Variants in PLEKHA7 observed in about 807,000 individuals in gnomAD.
PLEKHA7 encodes pleckstrin homology domain containing A7.
In PLEKHA7, 104 loss-of-function variants were observed where a neutral mutation model predicts 170.0. The ratio of observed to expected loss-of-function variants is 0.61; its 90% CI spans 0.52 to 0.72. The LOEUF is 0.72. PLEKHA7 is among the 30% of genes least tolerant of loss of function. The pLI, the probability that PLEKHA7 is intolerant of heterozygous loss-of-function variation, is 0.00. For missense variants in PLEKHA7, 1,615 were observed against 1,671.7 expected (o/e 0.97, Z 0.59); for synonymous variants, 648 against 660.8 (o/e 0.98, Z 0.30).
chr11:16,964,012 TTC>T (rs1405866928), intron 3 of PLEKHA7, among the ~76,000 whole-genome samples: 1 of 152,178 alleles, frequency 6.6e-6, no homozygotes, highest in Non-Finnish European at 1.5e-5. Flanking sequence ...CTAATCTACT[TTC>T]TGTTTCTATG....
intron 3 of PLEKHA7, among the ~76,000 whole-genome samples, chr11:16,890,094 G>A (rs558455478): frequency 6.6e-6 from 1 of 152,212 alleles, no homozygotes; most frequent in South Asian, 2.1e-4. Flanking sequence ...TCCTAGACAA[G>A]CAAACACTAG....
intron 9 of PLEKHA7, among the ~76,000 whole-genome samples, chr11:16,827,147 C>G (rs1337889719): frequency 6.6e-6 from 1 of 152,216 alleles, no homozygotes; most frequent in Admixed American, 6.5e-5. Context: ...CAGGATCCCT[C>G]CCACTGGTGT....
chr11:16,805,133 T>C (rs1404226502), intron 13 of PLEKHA7, among the ~76,000 whole-genome samples: 1 of 152,202 alleles, frequency 6.6e-6, no homozygotes, highest in Admixed American at 6.5e-5. Context: ...GTAGAAATCA[T>C]TTTCAAATGG....
At chr11:16,870,948 A>G in intron 4 of PLEKHA7, 151 bp downstream of exon 4, 1 of 527,184 alleles carries the variant, frequency 1.9e-6, no homozygotes, top group South Asian at 2.1e-5. Flanking sequence ...TGAAAAATAA[A>G]ATTCTTCTCA....
chr11:16,836,063 C>T (rs867644120), intron 9 of PLEKHA7, among the ~76,000 whole-genome samples: 11 of 152,156 alleles, frequency 7.2e-5, no homozygotes, highest in Admixed American at 1.3e-4. Flanking sequence ...GGAAGATGGT[C>T]GGGGACATAA....
chr11:16,993,614 T>A (rs768596154), intron 3 of PLEKHA7, among the ~76,000 whole-genome samples: 2 of 152,178 alleles, frequency 1.3e-5, no homozygotes, highest in African/African-American at 4.8e-5. Context: ...TGACACTAGA[T>A]TGCAGACCAT....
At chr11:16,921,121 ATTT>A (rs1357619989) in intron 3 of PLEKHA7, among the ~76,000 whole-genome samples, 1 of 151,854 alleles carries the variant, frequency 6.6e-6, no homozygotes, top group Non-Finnish European at 1.5e-5. Flanking sequence ...TTCCTTTTAC[ATTT>A]TTTTTCTAAC....
chr11:16,985,418 G>A (rs1213288847), intron 3 of PLEKHA7, among the ~76,000 whole-genome samples: 1 of 151,866 alleles, frequency 6.6e-6, no homozygotes, highest in Non-Finnish European at 1.5e-5. Context: ...ACCCTGCCTT[G>A]AAGAAATTTA....
chr11:16,790,596 T>C (rs1590126540), intron 21 of PLEKHA7: 1 of 582,830 alleles, frequency 1.7e-6, no homozygotes, highest in East Asian at 2.9e-5. Flanking sequence ...TGGGGACAGA[T>C]GTAACAAAAG....
intron 3 of PLEKHA7, among the ~76,000 whole-genome samples, chr11:16,889,420 A>ATATAT (rs1554964152): frequency 1.6e-4 from 12 of 74,666 alleles, no homozygotes; most frequent in East Asian, 1.1e-3. Flanking sequence ...AAAAAAAAAA[A>ATATAT]ATATATATAT....
chr11:16,780,433 GTC>G (rs896190914), intron 26 of PLEKHA7, among the ~76,000 whole-genome samples: 2 of 152,260 alleles, frequency 1.3e-5, no homozygotes, highest in African/African-American at 4.8e-5. Flanking sequence ...GGCAGTCCCA[GTC>G]TCTGCGCTGA....
At chr11:16,973,245 C>T (rs10832706) in intron 3 of PLEKHA7, among the ~76,000 whole-genome samples, 33,712 of 152,214 alleles carry the variant, frequency 0.22, 4,599 homozygotes, top group Non-Finnish European at 0.32. Flanking sequence ...TTCTTCCCTC[C>T]AGATGGGCAA....
At chr11:16,961,648 C>T (rs1340792334) in intron 3 of PLEKHA7, among the ~76,000 whole-genome samples, 1 of 152,168 alleles carries the variant, frequency 6.6e-6, no homozygotes, top group Non-Finnish European at 1.5e-5. Flanking sequence ...TCAGACACAC[C>T]CTGGCATCAT....
intron 3 of PLEKHA7, among the ~76,000 whole-genome samples, chr11:16,878,266 C>A (rs1016988650): frequency 1.3e-5 from 2 of 152,282 alleles, no homozygotes; most frequent in South Asian, 2.1e-4. Flanking sequence ...AGCCTCCTAC[C>A]GGCTCTTTCT....
At chr11:16,885,446 G>A (rs1057218377) in intron 3 of PLEKHA7, among the ~76,000 whole-genome samples, 1 of 151,592 alleles carries the variant, frequency 6.6e-6, no homozygotes, top group Non-Finnish European at 1.5e-5. Flanking sequence ...ATCACTTGAG[G>A]TCAGGAATTT....
intron 9 of PLEKHA7, among the ~76,000 whole-genome samples, chr11:16,834,769 T>C (rs1851378726): frequency 6.6e-6 from 1 of 151,872 alleles, no homozygotes; most frequent in Non-Finnish European, 1.5e-5. Context: ...AAAAGGTTGT[T>C]GAGAATCAAA....
intron 3 of PLEKHA7, among the ~76,000 whole-genome samples, chr11:16,938,307 A>C (rs1860450083): frequency 6.6e-6 from 1 of 152,056 alleles, no homozygotes; most frequent in Admixed American, 6.6e-5. Flanking sequence ...GCATTTATAC[A>C]AATGGTGCAT....
intron 13 of PLEKHA7, among the ~76,000 whole-genome samples, chr11:16,805,039 T>C (rs1451461923): frequency 6.6e-6 from 1 of 152,242 alleles, no homozygotes; most frequent in Non-Finnish European, 1.5e-5. Flanking sequence ...GTCTTCGCTC[T>C]ATGCCATCGT....
intron 3 of PLEKHA7, among the ~76,000 whole-genome samples, chr11:16,958,688 A>G (rs1274290952): frequency 6.6e-6 from 1 of 152,236 alleles, no homozygotes; most frequent in Non-Finnish European, 1.5e-5. Flanking sequence ...TGGAGAATGT[A>G]AGACCTCAAT....
Sources: gnomAD v4.1 joint callset for allele counts (sites outside exome capture counted in the v4.1 genomes callset) on GRCh38, gnomAD v4.1.1 for gene constraint, MANE v1.5 for transcripts, NCBI Gene and HGNC (gene_info 2026-07-23, HGNC 2026-07-21) for gene names.